The following AMHR2 variants were observed in gnomAD, a reference collection of about 807,000 sequenced individuals.
The protein encoded by AMHR2 is anti-Mullerian hormone receptor type 2, also known as anti-Muellerian hormone type-2 receptor.
In AMHR2, 36 loss-of-function variants were observed where a neutral mutation model predicts 61.4. That is an observed-to-expected ratio of 0.59 (90% CI 0.45 to 0.77). AMHR2 has a LOEUF of 0.77. Ranked by LOEUF, AMHR2 falls within the 30% of genes least tolerant of loss-of-function variation. The pLI is 0.00. For missense variants in AMHR2, 638 were observed against 714.6 expected (o/e 0.89, Z 1.22); for synonymous variants, 258 against 279.4 (o/e 0.92, Z 0.76).
intron 6 of AMHR2, among the ~76,000 whole-genome samples, chr12:53,428,209 T>C (rs1400746999): frequency 1.3e-5 from 2 of 152,246 alleles, no homozygotes; most frequent in African/African-American, 2.4e-5. Context: ...CTTTATCTCT[T>C]ACCTTCCCTG....
At chr12:53,428,042 A>G (rs924069843) in intron 6 of AMHR2, among the ~76,000 whole-genome samples, 17 of 152,234 alleles carry the variant, frequency 1.1e-4, no homozygotes, top group Non-Finnish European at 1.5e-4. Context: ...TGAATGATGG[A>G]AAGTCCCTTC....
intron 6 of AMHR2, among the ~76,000 whole-genome samples, chr12:53,428,635 T>C (rs1458114431): frequency 6.6e-6 from 1 of 152,048 alleles, no homozygotes; most frequent in Non-Finnish European, 1.5e-5. Flanking sequence ...CCTTCTAGGG[T>C]TTTCACAAGG....
In AMHR2 at chr12:53,429,004, C is replaced by T. The variant is rs750721972; in HGVS notation, c.961C>T (p.Gln321Ter). ...GLAFLHEERW[Q>*]NGQYKPGIAH... ...GGCATTTCTCCATGAGGAGCGCTGG[C>T]AGAATGGTGGGTGAGCTGGGCATAG... Residue 321 changes from glutamine to a stop codon, truncating the protein, a stop_gained, in exon 7 of 11, where the codon CAG (glutamine) becomes TAG (stop). Transcript: ENST00000257863. LOFTEE classifies it high-confidence loss of function. 2 of 1,550,884 alleles carry T rather than the reference C, an allele frequency of 1.3e-6. No homozygotes were observed. The highest frequency in any genetic ancestry group is 2.0e-5 in the Admixed American group (1 of 50,998).
At position 53,431,252 on chromosome 12, in the gene AMHR2, G is replaced by A; in HGVS notation, c.1501G>A (p.Val501Ile). 1.2e-6 allele frequency: 2 copies of A among 1,614,252 alleles called. No homozygotes were observed. Among genetic ancestry groups the A allele is most frequent in the Non-Finnish European group, 1.7e-6 (2 of 1,180,054 alleles). The change falls in exon 11 of 11, where the codon GTA (valine) becomes ATA (isoleucine). Residue 501 changes from valine (V) to isoleucine (I), a missense_variant. Coordinates refer to ENST00000257863, the MANE Select transcript of AMHR2 (RefSeq NM_020547.3). ...DPEARLTAEC[V>I]QQRLAALAHP... ...AGAAGCACGGCTGACAGCTGAGTGTGTACAGCAGCGCCTGGCTGCCTTGGC... is the reference window on the plus strand; with the variant it reads ...AGAAGCACGGCTGACAGCTGAGTGTATACAGCAGCGCCTGGCTGCCTTGGC...
intron 3 of AMHR2, 127 bp from the exon 4 acceptor site, chr12:53,425,038 G>A: frequency 6.3e-7 from 1 of 1,582,662 alleles, no homozygotes; most frequent in Non-Finnish European, 8.6e-7. Context: ...TTGCCCTGGT[G>A]ACTGGGAGAT....
intron 9 of AMHR2, 43 bp from the exon 10 acceptor site, chr12:53,430,102 AC>A: frequency 1.2e-6 from 2 of 1,613,860 alleles, no homozygotes; most frequent in Non-Finnish European, 8.5e-7. Context: ...CATGGTAGGC[AC>A]CCCTAGGACT....
intron 7 of AMHR2, 72 bp downstream of exon 7, chr12:53,429,082 G>A: frequency 3.0e-6 from 4 of 1,353,956 alleles, no homozygotes; most frequent in East Asian, 2.5e-5. Flanking sequence ...AGTTTGGAGG[G>A]GAAAGATTGG....
In AMHR2 at chr12:53,428,972, A is replaced by G; in HGVS notation, c.929A>G (p.Gln310Arg). Reference protein sequence around the residue: ...SSLRMALSLAQGLAFLHEERW... With the variant: ...SSLRMALSLARGLAFLHEERW... ...CTGCGGATGGCACTGTCCCTGGCCC[A>G]GGGCCTGGCATTTCTCCATGAGGAG... The change falls in exon 7 of 11, where the codon CAG becomes CGG. Residue 310 changes from glutamine (Q) to arginine (R), a missense_variant. Gln to Arg is a conservative substitution (Grantham distance 43). Transcript: ENST00000257863. The G allele has an allele frequency of 6.4e-7, 1 of 1,551,494 alleles. No individual in the cohort carries two copies. The highest frequency in any genetic ancestry group is 8.7e-7 in the Non-Finnish European group (1 of 1,147,018).
rs1940100071 is a variant in AMHR2 at position 53,431,533 on chromosome 12, G to A, written c.*60G>A. 2 of 1,604,662 alleles carry A rather than the reference G, an allele frequency of 1.2e-6. No homozygotes were observed. The highest frequency in any genetic ancestry group is 1.7e-6 in the Non-Finnish European group (2 of 1,172,594). On this transcript the variant is annotated 3_prime_UTR_variant, in exon 11 of 11. Transcript: ENST00000257863. Reference sequence around the variant, plus strand: ...ACATAAATATGGCGATTGTATAGCTGTCTTGTCTGCCTCATCACTGCATTT... The same window carrying A: ...ACATAAATATGGCGATTGTATAGCTATCTTGTCTGCCTCATCACTGCATTT...
At position 53,425,788 on chromosome 12, in the gene AMHR2, C is replaced by A. The variant is rs1368191344; in HGVS notation, c.721C>A (p.Gln241Lys). Residue 241 changes from glutamine (Q) to lysine (K), a missense_variant, in exon 6 of 11, where the codon CAA becomes AAA. Physicochemically the swap from Gln to Lys is moderately conservative, Grantham distance 53 (BLOSUM62 1). Transcript: ENST00000257863. ...CCCACCGAGGTCTGTGGCTCAGTTC[C>A]AAGCTGAGAGAGCATTGTACGAACT... is the stretch of plus-strand genomic sequence containing the variant. ...AFPPRSVAQF[Q>K]AERALYELPG... The A allele has an allele frequency of 6.2e-7, 1 of 1,614,192 alleles. No homozygotes were observed. The highest frequency in any genetic ancestry group is 2.2e-5 in the East Asian group (1 of 44,880).
At chr12:53,428,544 C>T (rs536938336) in intron 6 of AMHR2, among the ~76,000 whole-genome samples, 2 of 152,250 alleles carry the variant, frequency 1.3e-5, no homozygotes, top group Admixed American at 1.3e-4. Context: ...CCTGCCTCAC[C>T]GACTGACTTC....
At position 53,429,985 on chromosome 12, in the gene AMHR2, A is replaced by G; in HGVS notation, c.1288+7A>G. The G allele has an allele frequency of 1.9e-6, 3 of 1,614,136 alleles. No homozygotes were observed. The highest frequency in any genetic ancestry group is 2.5e-6 in the Non-Finnish European group (3 of 1,180,020). On this transcript the variant is annotated splice_region_variant and intron_variant, in intron 9 of 10. Transcript: ENST00000257863. ...TGCCCAGATTTGAGGCCTGGTAAGG[A>G]TGGGTGGTACAGTCCCCTCTCCTGG...
Position 53,429,998 on chromosome 12 carries a change from T to TC in AMHR2, c.1288+24dup, listed in dbSNP as rs772886190. 7.9e-5 allele frequency: 127 copies of TC among 1,613,976 alleles called. No individual in the cohort carries two copies. Among genetic ancestry groups the TC allele is most frequent in the Non-Finnish European group, 1.1e-4 (125 of 1,180,016 alleles). On this transcript the variant is annotated intron_variant, in intron 9 of 10. Transcript: ENST00000257863. Reference sequence around the variant, plus strand: ...GGCCTGGTAAGGATGGGTGGTACAGTCCCCTCTCCTGGGCTCCCCCCCGCC... The same window carrying TC: ...GGCCTGGTAAGGATGGGTGGTACAGTCCCCCTCTCCTGGGCTCCCCCCCGCC...
chr12:53,431,646 G>C lies in AMHR2; in HGVS notation c.*173G>C, dbSNP rs2136979663. The C allele has an allele frequency of 1.3e-6, 1 of 791,982 alleles. No homozygotes were observed. The highest frequency in any genetic ancestry group is 2.1e-6 in the Non-Finnish European group (1 of 479,092). 49.1% of individuals were successfully genotyped at this position (791,982 alleles called of 1,614,324 possible). A position where few individuals can be genotyped will look rare whatever the true frequency, so the allele number is the denominator to read the frequency against. On this transcript the variant is annotated 3_prime_UTR_variant, in exon 11 of 11. Transcript: ENST00000257863. The stretch of plus-strand genomic sequence containing the variant: ...ACTTGGGGTAGGTGTGCACAGGAAA[G>C]AGAATAAAGTCAGCTTTCCTGATGC...
In AMHR2 at chr12:53,431,450, G is replaced by A. The variant is rs770065450; in HGVS notation, c.1699G>A (p.Ala567Thr). Residue 567 changes from alanine to threonine, a missense_variant, in exon 11 of 11, where the codon GCC (alanine) becomes ACC (threonine). Ala to Thr is a moderately conservative substitution (Grantham distance 58, BLOSUM62 0). Transcript: ENST00000257863. ...CCCTTGTTCCAGGAATCCTCAGCCTGCCTGTACCCTTTCTCCTGTGTAAAT... is the reference window on the plus strand; with the variant it reads ...CCCTTGTTCCAGGAATCCTCAGCCTACCTGTACCCTTTCTCCTGTGTAAAT... ...QGPCSRNPQP[A>T]CTLSPV 4 of 1,614,218 alleles carry A rather than the reference G, an allele frequency of 2.5e-6. No homozygotes were observed. In the South Asian group the frequency reaches 3.3e-5, roughly 13 times the overall value.
Position 53,424,915 on chromosome 12 carries a change from G to T in AMHR2, c.424+15G>T, listed in dbSNP as rs368020686. 2 of 1,607,632 alleles carry T rather than the reference G, an allele frequency of 1.2e-6. No individual in the cohort carries two copies. The highest frequency in any genetic ancestry group is 1.7e-5 in the Admixed American group (1 of 59,958). ...GGCTGCCCCAGGTAGCCACCCAAGG[G>T]TACTGAAGCCTGATGGGGGCTGGGG... On this transcript the variant is annotated intron_variant, in intron 3 of 10. Transcript: ENST00000257863.
intron 10 of AMHR2, chr12:53,430,620 T>C: frequency 2.2e-6 from 1 of 446,480 alleles, no homozygotes; most frequent in Admixed American, 3.4e-5. Flanking sequence ...CCCTGAGCTC[T>C]GCCCCATCTG....
rs1939289905 is a variant in AMHR2, at chr12:53,423,984, G to GT, written c.49+2dup. 3 of 1,614,122 alleles carry GT rather than the reference G, an allele frequency of 1.9e-6. No individual in the cohort carries two copies. The highest frequency in any genetic ancestry group is 2.5e-6 in the Non-Finnish European group (3 of 1,179,980). On this transcript the variant is annotated splice_donor_variant, in intron 1 of 10. Coordinates refer to ENST00000257863, the MANE Select transcript of AMHR2 (RefSeq NM_020547.3). LOFTEE classifies it high-confidence loss of function. Reference sequence around the variant, plus strand: ...GCATTACTTCCCACAGCTGTGGAAGGTAAGTGTCTACAGGGAGGGGAAGGG... The same window carrying GT: ...GCATTACTTCCCACAGCTGTGGAAGGTTAAGTGTCTACAGGGAGGGGAAGGG...
At chr12:53,425,624 G>A in intron 5 of AMHR2, 51 bp downstream of exon 5, 1 of 1,612,786 alleles carries the variant, frequency 6.2e-7, no homozygotes, top group South Asian at 1.1e-5. Flanking sequence ...TGGAGGTTGT[G>A]CTGGGGAGGA....
Sources: gnomAD v4.1 joint callset for allele counts (sites outside exome capture counted in the v4.1 genomes callset) on GRCh38, gnomAD v4.1.1 for gene constraint, MANE v1.5 for transcripts, NCBI Gene and HGNC (gene_info 2026-07-23, HGNC 2026-07-21) for gene names.